The following MCPH1 variants were observed in gnomAD, a reference collection of about 807,000 sequenced individuals.
MCPH1 encodes microcephalin.
In MCPH1, 104 loss-of-function variants were observed where a neutral mutation model predicts 84.5. The observed-to-expected ratio is 1.23, with a 90% CI of 1.05 to 1.45. MCPH1 has a LOEUF of 1.45. MCPH1 is among the 40% of genes most tolerant of loss of function. MCPH1 has a pLI of 0.00. For missense variants in MCPH1, 1,498 were observed against 1,005.7 expected (o/e 1.49, Z -6.62); for synonymous variants, 514 against 366.8 (o/e 1.40, Z -4.58).
In MCPH1 at chr8:6,594,654, G is replaced by T. The variant is rs558603414; in HGVS notation, c.2215-26800G>T. Among the ~76,000 whole-genome samples, 259 of 148,448 alleles carry T rather than the reference G, an allele frequency of 1.7e-3. 1 individual carries two copies. Among genetic ancestry groups the T allele is most frequent in the South Asian group, 6.3e-3 (30 of 4,774 alleles). On this transcript the variant is annotated intron_variant, in intron 12 of 13. Coordinates refer to ENST00000344683, the MANE Select transcript of MCPH1 (RefSeq NM_024596.5). Reference sequence around the variant, plus strand: ...TTTTTCTGGAGAAGAAAGTACTGACGCTACGAAGACTTCAGTGTTCTCCTG... The same window carrying T: ...TTTTTCTGGAGAAGAAAGTACTGACTCTACGAAGACTTCAGTGTTCTCCTG...
rs1243510951 is a variant in MCPH1, at chr8:6,415,320, C to T, written c.233+437C>T. On this transcript the variant is annotated intron_variant, in intron 3 of 13. Transcript: ENST00000344683. ...CTTTTTTTTTTGAGACAAAGTCTTGCTCTGTCATCCAAGCTAGAGTGCAGT... is the reference window on the plus strand; with the variant it reads ...CTTTTTTTTTTGAGACAAAGTCTTGTTCTGTCATCCAAGCTAGAGTGCAGT... 5.5e-5 allele frequency among the ~76,000 whole-genome samples: 7 copies of T among 127,672 alleles called. No individual in the cohort carries two copies. In the East Asian group the frequency reaches 9.1e-4, roughly 17 times the overall value. 83.8% of individuals were successfully genotyped at this position (127,672 alleles called of 152,430 possible).
At chr8:6,473,767 G>A in intron 9 of MCPH1, 2 of 819,588 alleles carry the variant, frequency 2.4e-6, no homozygotes, top group Non-Finnish European at 3.6e-6. Context: ...AAGCGTTCCT[G>A]ATACTTAAAC....
chr8:6,514,629 T>C, intron 12 of MCPH1: 3 of 1,544,210 alleles, frequency 1.9e-6, no homozygotes, highest in East Asian at 2.3e-5. Context: ...TTGAAAGCTA[T>C]TTTTCACAAG....
chr8:6,487,392 C>T (rs891861420), intron 11 of MCPH1, among the ~76,000 whole-genome samples: 2 of 152,156 alleles, frequency 1.3e-5, no homozygotes, highest in Non-Finnish European at 2.9e-5. Flanking sequence ...ATTCCGTTCA[C>T]GCCTCTCATT....
In MCPH1 at chr8:6,444,581, A is replaced by C. The variant is rs149813931; in HGVS notation, c.859A>C (p.Ser287Arg). 4.2e-5 allele frequency: 68 copies of C among 1,614,224 alleles called. No individual in the cohort carries two copies. In the African/African-American group the frequency reaches 7.9e-4, roughly 19 times the overall value. Residue 287 changes from serine to arginine, a missense_variant, in exon 8 of 14, where the codon AGT becomes CGT. Coordinates refer to ENST00000344683, the MANE Select transcript of MCPH1 (RefSeq NM_024596.5). ...SPSFTHLDKS[S>R]PQKFLSNLSK... ...ATCTTTCACTCACCTCGATAAATCAAGTCCTCAGAAATTTCTGAGTAATCT... is the reference window on the plus strand; with the variant it reads ...ATCTTTCACTCACCTCGATAAATCACGTCCTCAGAAATTTCTGAGTAATCT...
chr8:6,417,898 A>T (rs1310289721), intron 3 of MCPH1, among the ~76,000 whole-genome samples: 3 of 152,184 alleles, frequency 2.0e-5, no homozygotes, highest in Non-Finnish European at 2.9e-5. Flanking sequence ...TACTATGTAG[A>T]CTCTGGATTC....
intron 12 of MCPH1, among the ~76,000 whole-genome samples, chr8:6,573,064 G>A (rs1017147526): frequency 2.6e-5 from 4 of 152,308 alleles, no homozygotes; most frequent in East Asian, 1.9e-4. Context: ...GCGAGACCAC[G>A]GAAGTTAAAA....
intron 12 of MCPH1, among the ~76,000 whole-genome samples, chr8:6,534,554 C>T (rs1820159598): frequency 6.6e-6 from 1 of 152,066 alleles, no homozygotes; most frequent in Admixed American, 6.5e-5. Flanking sequence ...CGAGCGTGAG[C>T]CAGCACATCT....
chr8:6,474,508 C>G (rs1396520926), intron 9 of MCPH1, among the ~76,000 whole-genome samples: 1 of 152,060 alleles, frequency 6.6e-6, no homozygotes, highest in Non-Finnish European at 1.5e-5. Context: ...GGCAACAGAG[C>G]AAGACCCTGT....
chr8:6,427,299 C>G (rs1353668549), intron 3 of MCPH1, among the ~76,000 whole-genome samples: 1 of 152,144 alleles, frequency 6.6e-6, no homozygotes, highest in Non-Finnish European at 1.5e-5. Flanking sequence ...CTATACAGTA[C>G]TATGGACTTT....
intron 9 of MCPH1, among the ~76,000 whole-genome samples, chr8:6,470,473 T>C (rs571976888): frequency 2.0e-5 from 3 of 152,216 alleles, no homozygotes; most frequent in South Asian, 4.2e-4. Flanking sequence ...TTAGGAGAGA[T>C]AGGGTTTCAC....
intron 6 of MCPH1, among the ~76,000 whole-genome samples, chr8:6,441,694 G>C (rs938876292): frequency 6.6e-6 from 1 of 152,172 alleles, no homozygotes; most frequent in African/African-American, 2.4e-5. Flanking sequence ...ACTAACACTA[G>C]CAGTGTACCT....
intron 12 of MCPH1, among the ~76,000 whole-genome samples, chr8:6,526,257 T>TAAAAA (rs35519559): frequency 1.3e-5 from 1 of 77,500 alleles, no homozygotes; most frequent in South Asian, 6.2e-4. Flanking sequence ...TTGCCTCTAC[T>TAAAAA]AAAAAAAAAA....
chr8:6,426,749 C>T (rs749380978), intron 3 of MCPH1, among the ~76,000 whole-genome samples: 18 of 152,312 alleles, frequency 1.2e-4, no homozygotes, highest in African/African-American at 4.1e-4. Flanking sequence ...TTTCACTCCA[C>T]GTCTTCACCA....
intron 13 of MCPH1, chr8:6,626,429 T>C (rs185431704): frequency 2.0e-6 from 2 of 984,216 alleles, no homozygotes; most frequent in East Asian, 2.3e-4. Context: ...GATGAATCAT[T>C]CAACCAGAAG....
rs1436276978 is a variant in MCPH1, at chr8:6,445,335, A to G, written c.1613A>G (p.His538Arg). The G allele has an allele frequency of 5.6e-6, 9 of 1,614,134 alleles. No homozygotes were observed. The highest frequency in any genetic ancestry group is 7.6e-6 in the Non-Finnish European group (9 of 1,180,046). The change falls in exon 8 of 14, where the codon CAT (histidine) becomes CGT (arginine). Residue 538 changes from histidine (H) to arginine (R), a missense_variant. Coordinates refer to ENST00000344683, the MANE Select transcript of MCPH1 (RefSeq NM_024596.5). ...TIEDPALPKG[H>R]DDDLTPLEGS... Reference sequence around the variant, plus strand: ...GAGGACCCTGCTCTTCCAAAAGGACATGATGATGATTTAACTCCTTTGGAA... The same window carrying G: ...GAGGACCCTGCTCTTCCAAAAGGACGTGATGATGATTTAACTCCTTTGGAA...
intron 12 of MCPH1, among the ~76,000 whole-genome samples, chr8:6,568,904 T>C (rs1166173647): frequency 2.0e-5 from 3 of 152,172 alleles, no homozygotes; most frequent in African/African-American, 7.2e-5. Context: ...TGTTGATGTA[T>C]GAGGAACTTC....
At chr8:6,613,624 G>A (rs558013788) in intron 12 of MCPH1, among the ~76,000 whole-genome samples, 2 of 152,054 alleles carry the variant, frequency 1.3e-5, no homozygotes, top group Non-Finnish European at 2.9e-5. Flanking sequence ...CCAAGGGACC[G>A]GGGGGTGAGG....
chr8:6,428,855 G>T (rs1055993481), intron 3 of MCPH1, among the ~76,000 whole-genome samples: 14 of 152,182 alleles, frequency 9.2e-5, no homozygotes, highest in African/African-American at 3.4e-4. Context: ...TTCCCCAGAG[G>T]CAGCTCCTTT....
Sources: allele counts gnomAD v4.1 joint callset (sites outside exome capture counted in the v4.1 genomes callset), GRCh38; gene constraint gnomAD v4.1.1; transcripts MANE v1.5; gene names NCBI Gene and HGNC (gene_info 2026-07-23, HGNC 2026-07-21).